Variants in RNF152 observed in about 807,000 individuals in gnomAD.
RNF152 encodes ring finger protein 152.
RNF152 carries 11 observed loss-of-function variants against 12.7 expected under a neutral mutation model. The observed-to-expected ratio is 0.86, with a 90% CI of 0.54 to 1.43. The LOEUF is 1.43. Among genes scored for constraint, RNF152 ranks in the 40% most tolerant of loss-of-function variants. RNF152 has a pLI of 0.00. For synonymous variants in RNF152, 113 were observed against 120.3 expected (o/e 0.94, Z 0.40); for missense variants, 255 against 274.8 (o/e 0.93, Z 0.51).
At chr18:61,891,204 A>G (rs962545718) in intron 1 of RNF152, among the ~76,000 whole-genome samples, 10 of 152,208 alleles carry the variant, frequency 6.6e-5, no homozygotes, top group African/African-American at 2.4e-4. Context: ...GCCTCTAGGG[A>G]TCCTCCAGCC....
chr18:61,884,392 G>A lies in RNF152; in HGVS notation c.-136+8403C>T, dbSNP rs544667650. Among the ~76,000 whole-genome samples the A allele has an allele frequency of 1.9e-4, 29 of 151,174 alleles. No individual in the cohort carries two copies. The South Asian group carries it at 6.1e-3, about 32-fold the overall frequency. On this transcript the variant is annotated intron_variant, in intron 1 of 1. Coordinates refer to ENST00000312828, the MANE Select transcript of RNF152 (RefSeq NM_173557.3). ...TATATGCTAAGGTATCAAGAATTGA[G>A]AGAATATCAGATACATTTCTTTTAT...
In RNF152 at chr18:61,813,472, C is replaced by G. The variant is rs1908918343; in HGVS notation, c.*2380G>C. Reference sequence around the variant, plus strand: ...AATTTAAGGTCAAGAATCTACCATACAGCCGATTAATTTTGCACTGCTTAA... The same window carrying G: ...AATTTAAGGTCAAGAATCTACCATAGAGCCGATTAATTTTGCACTGCTTAA... On this transcript the variant is annotated 3_prime_UTR_variant, in exon 2 of 2. Transcript: ENST00000312828. 1 of 152,208 alleles carries G rather than the reference C, an allele frequency of 6.6e-6. No individual in the cohort carries two copies. The highest frequency in any genetic ancestry group is 2.1e-4 in the South Asian group (1 of 4,828). 9.4% of individuals were successfully genotyped at this position (152,208 alleles called of 1,614,324 possible). A position where few individuals can be genotyped will look rare whatever the true frequency, so the allele number is the denominator to read the frequency against.
At chr18:61,857,199 G>A (rs1028427122) in intron 1 of RNF152, among the ~76,000 whole-genome samples, 19 of 152,134 alleles carry the variant, frequency 1.2e-4, no homozygotes, top group Non-Finnish European at 2.6e-4. Context: ...CCCCAACACT[G>A]TAACAGGGAG....
intron 1 of RNF152, among the ~76,000 whole-genome samples, chr18:61,823,458 G>C (rs1961465214): frequency 7.2e-6 from 1 of 138,578 alleles, no homozygotes; most frequent in Non-Finnish European, 1.7e-5. Context: ...ACCACACCCA[G>C]CTAATTTTTT....
At chr18:61,832,388 A>G (rs1483131275) in intron 1 of RNF152, among the ~76,000 whole-genome samples, 1 of 152,194 alleles carries the variant, frequency 6.6e-6, no homozygotes, top group East Asian at 1.9e-4. Context: ...AATATAAAAT[A>G]TTTATTTGTC....
At chr18:61,857,233 T>C (rs534824678) in intron 1 of RNF152, among the ~76,000 whole-genome samples, 1 of 152,334 alleles carries the variant, frequency 6.6e-6, no homozygotes, top group East Asian at 1.9e-4. Flanking sequence ...TTTTCTATTT[T>C]GCAGATGAGA....
At chr18:61,825,889 G>C (rs1909641671) in intron 1 of RNF152, among the ~76,000 whole-genome samples, 1 of 151,956 alleles carries the variant, frequency 6.6e-6, no homozygotes, top group Non-Finnish European at 1.5e-5. Flanking sequence ...ACAAATTCCA[G>C]AACAAATTGA....
rs1233644535 is a variant in RNF152 at position 61,811,087 on chromosome 18, G to A, written c.*4765C>T. The A allele has an allele frequency of 6.6e-6, 1 of 151,156 alleles. No homozygotes were observed. The highest frequency in any genetic ancestry group is 1.5e-5 in the Non-Finnish European group (1 of 67,836). 9.4% of individuals were successfully genotyped at this position (151,156 alleles called of 1,614,324 possible). On this transcript the variant is annotated 3_prime_UTR_variant, in exon 2 of 2. Transcript: ENST00000312828. ...TAAATGATTTTTAAAGGCAAGCTAA[G>A]AAGGAAAGTCTTGCACATTGATGAG...
chr18:61,872,775 T>C (rs1490637583), intron 1 of RNF152, among the ~76,000 whole-genome samples: 1 of 152,188 alleles, frequency 6.6e-6, no homozygotes, highest in Non-Finnish European at 1.5e-5. Flanking sequence ...GAATTTCTGG[T>C]ATAGAAACAA....
At chr18:61,878,175 C>T (rs941360632) in intron 1 of RNF152, among the ~76,000 whole-genome samples, 2 of 152,156 alleles carry the variant, frequency 1.3e-5, no homozygotes, top group African/African-American at 4.8e-5. Context: ...GTAGTATAGT[C>T]GAGTGATTGT....
intron 1 of RNF152, among the ~76,000 whole-genome samples, chr18:61,887,701 C>CA (rs34170984): frequency 0.024 from 2,571 of 105,786 alleles, 95 homozygotes; most frequent in African/African-American, 0.076. Flanking sequence ...GACTCCATCT[C>CA]AAAAAAAAAA....
At chr18:61,850,954 T>C (rs963381017) in intron 1 of RNF152, among the ~76,000 whole-genome samples, 5 of 152,050 alleles carry the variant, frequency 3.3e-5, no homozygotes, top group Non-Finnish European at 5.9e-5. Flanking sequence ...CATGTTTGCT[T>C]TCATACATGA....
rs192428501 is a variant in RNF152, at chr18:61,828,139, G to A, written c.-135-11541C>T. 4.6e-4 allele frequency among the ~76,000 whole-genome samples: 70 copies of A among 152,302 alleles called. 1 individual carries two copies. The South Asian group carries it at 7.7e-3, about 17-fold the overall frequency. Reference sequence around the variant, plus strand: ...CCAATCAAGATATTTCCGCCACCCCGAAAGGTCCCCTTGTGCCTCATGCAG... The same window carrying A: ...CCAATCAAGATATTTCCGCCACCCCAAAAGGTCCCCTTGTGCCTCATGCAG... On this transcript the variant is annotated intron_variant, in intron 1 of 1. Coordinates refer to ENST00000312828, the MANE Select transcript of RNF152 (RefSeq NM_173557.3).
intron 1 of RNF152, among the ~76,000 whole-genome samples, chr18:61,829,977 A>G (rs1909862006): frequency 6.6e-6 from 1 of 151,636 alleles, no homozygotes; most frequent in African/African-American, 2.4e-5. Context: ...AGTGGCTTTA[A>G]GTCACCATCA....
intron 1 of RNF152, among the ~76,000 whole-genome samples, chr18:61,830,272 C>T (rs1304628551): frequency 4.6e-5 from 7 of 152,086 alleles, no homozygotes; most frequent in African/African-American, 1.4e-4. Context: ...GTGATCCACC[C>T]ACCTCGTCCT....
chr18:61,864,187 AG>A (rs1268320841), intron 1 of RNF152, among the ~76,000 whole-genome samples: 1 of 152,182 alleles, frequency 6.6e-6, no homozygotes, highest in African/African-American at 2.4e-5. Flanking sequence ...CCCACAGGTC[AG>A]GGGCTCAGCC....
rs115452639 is a variant in RNF152 at position 61,815,845 on chromosome 18, G to A, written c.*7C>T. The A allele has an allele frequency of 3.3e-4, 524 of 1,610,872 alleles. No homozygotes were observed. In the African/African-American group the frequency reaches 6.6e-3, roughly 20 times the overall value. ...GGCACCCACAAGAGACTTCCCTGCAGCCCTCTTCAGCCACAGGATATCACA... is the reference window on the plus strand; with the variant it reads ...GGCACCCACAAGAGACTTCCCTGCAACCCTCTTCAGCCACAGGATATCACA... On this transcript the variant is annotated 3_prime_UTR_variant, in exon 2 of 2. Coordinates refer to ENST00000312828, the MANE Select transcript of RNF152 (RefSeq NM_173557.3).
intron 1 of RNF152, among the ~76,000 whole-genome samples, chr18:61,882,408 G>A (rs1289900509): frequency 6.6e-6 from 1 of 152,216 alleles, no homozygotes; most frequent in Non-Finnish European, 1.5e-5. Context: ...TGGCTTGCCA[G>A]GAACACAGTG....
At chr18:61,854,039 C>A (rs1177239796) in intron 1 of RNF152, among the ~76,000 whole-genome samples, 1 of 152,200 alleles carries the variant, frequency 6.6e-6, no homozygotes, top group East Asian at 1.9e-4. Flanking sequence ...TGGAAATGAG[C>A]CAAGCTGATA....
Sources: gnomAD v4.1 joint callset for allele counts (sites outside exome capture counted in the v4.1 genomes callset) on GRCh38, gnomAD v4.1.1 for gene constraint, MANE v1.5 for transcripts, NCBI Gene and HGNC (gene_info 2026-07-23, HGNC 2026-07-21) for gene names.